TMEM272: variants seen among roughly 807,000 people sequenced by gnomAD.
TMEM272 encodes the protein long intergenic non-protein coding RNA 282.
Under a neutral mutation model 3.7 loss-of-function variants are expected in TMEM272, and 8 were observed. The observed-to-expected ratio is 2.17, with a 90% CI of 1.27 to 3.91. The LOEUF (loss-of-function observed/expected upper bound fraction) is 3.91. Ranked by LOEUF, TMEM272 falls within the 30% of genes most tolerant of loss-of-function variation. The pLI is 0.00. For synonymous variants in TMEM272, 63 were observed against 39.8 expected (o/e 1.58, Z -2.20); for missense variants, 166 against 91.5 (o/e 1.81, Z -3.32).
chr13:51,900,389 A>AT, the TMEM272 span, among the ~76,000 whole-genome samples: 2 of 152,234 alleles, frequency 1.3e-5, no homozygotes, highest in Admixed American at 6.5e-5. Context: ...GCTCAACACT[A>AT]ATCATCAAGG....
At chr13:51,859,685 G>GA in the TMEM272 span, among the ~76,000 whole-genome samples, 3 of 152,044 alleles carry the variant, frequency 2.0e-5, no homozygotes, top group Admixed American at 2.0e-4. Flanking sequence ...ATTTGTCCAA[G>GA]AAAGTCACTA....
At chr13:51,829,937 T>G (rs928000164) in intron 2 of TMEM272, among the ~76,000 whole-genome samples, 73 of 152,208 alleles carry the variant, frequency 4.8e-4, no homozygotes, top group Non-Finnish European at 7.3e-5. Flanking sequence ...ACATAGAGGA[T>G]GTCCTCCCTA....
chr13:51,875,589 CT>C, the TMEM272 span, among the ~76,000 whole-genome samples: 3 of 152,210 alleles, frequency 2.0e-5, no homozygotes, highest in Non-Finnish European at 4.4e-5. Context: ...CCACCTACCC[CT>C]CTCCAGACCC....
chr13:51,816,648 T>C lies in TMEM272; in HGVS notation c.*103A>G. On this transcript the variant is annotated 3_prime_UTR_variant, in exon 5 of 5. Transcript: ENST00000629372. ...GTTTTATTACCTTTATGCCCTTCTC[T>C]GAACCTGTGTGTGTGTGTGTGTGTG... The C allele has an allele frequency of 1.6e-6, 1 of 608,762 alleles. No individual in the cohort carries two copies. The highest frequency in any genetic ancestry group is 2.9e-6 in the Non-Finnish European group (1 of 339,010). The allele number at this position is 608,762 out of a possible 1,614,324, so 37.7% of individuals were successfully genotyped here. A position where few individuals can be genotyped will look rare whatever the true frequency, so the allele number is the denominator to read the frequency against.
At chr13:51,829,242 T>C (rs970802191) in intron 2 of TMEM272, among the ~76,000 whole-genome samples, 5 of 152,222 alleles carry the variant, frequency 3.3e-5, no homozygotes, top group Admixed American at 2.6e-4. Flanking sequence ...AGATGAACGG[T>C]AAAATATATA....
At chr13:51,882,230 G>C in the TMEM272 span, among the ~76,000 whole-genome samples, 1 of 152,136 alleles carries the variant, frequency 6.6e-6, no homozygotes, top group Admixed American at 6.5e-5. Flanking sequence ...AGTTACCCTA[G>C]CTGTTTTCAA....
chr13:51,932,373 CGAT>C, the TMEM272 span: 1 of 152,240 alleles, frequency 6.6e-6, no homozygotes, highest in Non-Finnish European at 1.5e-5. Context: ...GGGGTGCAAA[CGAT>C]GCGGTAATTT....
chr13:51,817,296 T>A (rs1384966404), intron 4 of TMEM272, among the ~76,000 whole-genome samples, 183 bp from the exon 5 acceptor site: 1 of 152,132 alleles, frequency 6.6e-6, no homozygotes, highest in Non-Finnish European at 1.5e-5. Context: ...GAAATTTAAT[T>A]TGAAGAATAA....
At chr13:51,921,911 C>CGTGTGTGT in the TMEM272 span, among the ~76,000 whole-genome samples, 5 of 151,784 alleles carry the variant, frequency 3.3e-5, no homozygotes, top group African/African-American at 1.2e-4. Context: ...CCACTGTGTG[C>CGTGTGTGT]GTGTGTGTGT....
At chr13:51,865,327 C>A in the TMEM272 span, 4 of 1,470,072 alleles carry the variant, frequency 2.7e-6, no homozygotes, top group Non-Finnish European at 3.7e-6. Context: ...CTGCTGCCCC[C>A]ACAGGGTCTG....
At chr13:51,881,528 A>T in the TMEM272 span, among the ~76,000 whole-genome samples, 1 of 152,170 alleles carries the variant, frequency 6.6e-6, no homozygotes, top group Non-Finnish European at 1.5e-5. Context: ...AGTGAACACA[A>T]AGCTCTAAAA....
At chr13:51,846,685 T>G (rs1773627389), upstream of TMEM272, among the ~76,000 whole-genome samples, 1 of 152,204 alleles carries the variant, frequency 6.6e-6, no homozygotes, top group South Asian at 2.1e-4. Flanking sequence ...TTATTGCCCC[T>G]GAAGAACTTC....
At chr13:51,841,893 A>G (rs78815245) in intron 1 of TMEM272, among the ~76,000 whole-genome samples, 2,077 of 152,332 alleles carry the variant, frequency 0.014, 54 homozygotes, top group African/African-American at 0.047. Context: ...AATGTTCCCT[A>G]AGAGACAGGT....
the TMEM272 span, among the ~76,000 whole-genome samples, chr13:51,871,503 G>A: frequency 6.6e-6 from 1 of 152,066 alleles, no homozygotes; most frequent in Non-Finnish European, 1.5e-5. Context: ...CAGCTGCCAT[G>A]TCACAAGGAC....
chr13:51,858,690 G>A, the TMEM272 span, among the ~76,000 whole-genome samples: 1 of 152,178 alleles, frequency 6.6e-6, no homozygotes. Context: ...GAAAAGATTA[G>A]GCTTGTGGAC....
At chr13:51,852,339 T>TG in the TMEM272 span, among the ~76,000 whole-genome samples, 2 of 152,258 alleles carry the variant, frequency 1.3e-5, no homozygotes, top group East Asian at 3.8e-4. Flanking sequence ...ATTGGGTTGG[T>TG]GGTCTTTGTC....
intron 2 of TMEM272, among the ~76,000 whole-genome samples, chr13:51,830,517 T>C (rs939808865): frequency 2.6e-5 from 4 of 152,344 alleles, no homozygotes; most frequent in Admixed American, 2.6e-4. Context: ...CCTAACAGAC[T>C]TGTCAAAATC....
At chr13:51,876,338 T>A in the TMEM272 span, among the ~76,000 whole-genome samples, 1 of 152,222 alleles carries the variant, frequency 6.6e-6, no homozygotes, top group African/African-American at 2.4e-5. Flanking sequence ...TATTAAAAGA[T>A]CTTCAGGCAG....
chr13:51,871,814 ACACACAC>A, the TMEM272 span, among the ~76,000 whole-genome samples: 3 of 147,692 alleles, frequency 2.0e-5, no homozygotes, highest in Non-Finnish European at 4.6e-5. Context: ...ACACACACAC[ACACACAC>A]ACACACACAC....
Sources: allele counts gnomAD v4.1 joint callset (sites outside exome capture counted in the v4.1 genomes callset), GRCh38; gene constraint gnomAD v4.1.1; transcripts MANE v1.5; gene names NCBI Gene and HGNC (gene_info 2026-07-23, HGNC 2026-07-21).